Variants in CSMD1 observed in about 807,000 individuals in gnomAD.
CSMD1 encodes the protein CUB and Sushi multiple domains 1.
Under a neutral mutation model 417.5 loss-of-function variants are expected in CSMD1, and 213 were observed. The observed-to-expected ratio is 0.51, with a 90% CI of 0.46 to 0.57. The LOEUF is 0.57. Ranked by LOEUF, CSMD1 falls within the 20% of genes least tolerant of loss-of-function variation. The pLI is 0.00. For missense variants in CSMD1, 6,923 were observed against 4,529.7 expected (o/e 1.53, Z -15.17); for synonymous variants, 2,862 against 1,736.8 (o/e 1.65, Z -16.11).
intron 5 of CSMD1, among the ~76,000 whole-genome samples, chr8:3,915,105 G>C (rs1168319969): frequency 6.6e-6 from 1 of 152,052 alleles, no homozygotes; most frequent in South Asian, 2.1e-4. Flanking sequence ...ATAATGAAGA[G>C]TCAAGAGTTT....
intron 1 of CSMD1, among the ~76,000 whole-genome samples, chr8:4,974,271 C>G (rs1209636593): frequency 1.3e-5 from 2 of 152,038 alleles, no homozygotes; most frequent in Non-Finnish European, 2.9e-5. Context: ...TGTGATCCAC[C>G]TGTCTCCACC....
At chr8:3,991,874 C>A (rs906504395) in intron 5 of CSMD1, among the ~76,000 whole-genome samples, 11 of 152,086 alleles carry the variant, frequency 7.2e-5, no homozygotes, top group African/African-American at 2.7e-4. Context: ...TTTTTCTCAT[C>A]TATAAAATGG....
At chr8:3,290,865 G>C (rs1016116389) in intron 25 of CSMD1, among the ~76,000 whole-genome samples, 6 of 151,770 alleles carry the variant, frequency 4.0e-5, no homozygotes, top group African/African-American at 1.5e-4. Flanking sequence ...ACACTATATT[G>C]AATAGGAGTG....
intron 10 of CSMD1, among the ~76,000 whole-genome samples, chr8:3,572,946 A>G (rs1395290073): frequency 6.6e-6 from 1 of 152,350 alleles, no homozygotes; most frequent in Non-Finnish European, 1.5e-5. Flanking sequence ...TAATTATTTA[A>G]AAGTGTGTAA....
At chr8:4,343,021 C>G (rs548055906) in intron 3 of CSMD1, among the ~76,000 whole-genome samples, 1 of 152,202 alleles carries the variant, frequency 6.6e-6, no homozygotes, top group African/African-American at 2.4e-5. Context: ...TGACTTGTGC[C>G]TCCTCCAACC....
chr8:3,406,004 GC>G, intron 15 of CSMD1, 22 bp downstream of exon 15: 2 of 1,607,262 alleles, frequency 1.2e-6, no homozygotes. Context: ...AAGGAGAAGA[GC>G]GGGGGGTGGC....
chr8:4,536,283 C>A (rs1797099368), intron 2 of CSMD1, among the ~76,000 whole-genome samples: 1 of 152,012 alleles, frequency 6.6e-6, no homozygotes, highest in Non-Finnish European at 1.5e-5. Flanking sequence ...CAAACATGTT[C>A]TATTAAAAAA....
intron 23 of CSMD1, among the ~76,000 whole-genome samples, chr8:3,313,659 C>T (rs11136605): frequency 0.25 from 38,611 of 152,058 alleles, 5,666 homozygotes; most frequent in South Asian, 0.39. Flanking sequence ...GGAACACTTT[C>T]ACACTGTTGG....
At chr8:4,079,073 A>G (rs559758374) in intron 3 of CSMD1, among the ~76,000 whole-genome samples, 15 of 151,942 alleles carry the variant, frequency 9.9e-5, no homozygotes, top group Admixed American at 7.2e-4. Context: ...TGGAACTTAT[A>G]CAGCTCATTA....
intron 40 of CSMD1, among the ~76,000 whole-genome samples, chr8:3,145,051 G>GTGTGTGTC (rs979724484): frequency 6.6e-6 from 1 of 152,074 alleles, no homozygotes; most frequent in African/African-American, 2.4e-5. Flanking sequence ...AGTTGTGTGT[G>GTGTGTGTC]TGTGTGTGCA....
intron 50 of CSMD1, among the ~76,000 whole-genome samples, chr8:3,030,942 A>G (rs1006904963): frequency 1.3e-5 from 2 of 152,098 alleles, no homozygotes; most frequent in African/African-American, 4.8e-5. Context: ...AGTAACAATG[A>G]AGTCTAAAAT....
At chr8:4,563,998 A>G (rs1798470942) in intron 2 of CSMD1, among the ~76,000 whole-genome samples, 1 of 152,206 alleles carries the variant, frequency 6.6e-6, no homozygotes, top group African/African-American at 2.4e-5. Flanking sequence ...TCCCAGGAAA[A>G]TGAGGAGTTA....
chr8:4,773,336 A>C (rs1242625398), intron 1 of CSMD1, among the ~76,000 whole-genome samples: 1 of 152,134 alleles, frequency 6.6e-6, no homozygotes. Context: ...TTCTAAGCTC[A>C]CTGACTGGTG....
intron 12 of CSMD1, among the ~76,000 whole-genome samples, chr8:3,415,781 G>A (rs1187395836): frequency 6.6e-6 from 1 of 152,096 alleles, no homozygotes; most frequent in Non-Finnish European, 1.5e-5. Flanking sequence ...ACTGAGATCT[G>A]GAAAAATGGA....
chr8:4,112,006 C>A (rs1801882061), intron 3 of CSMD1, among the ~76,000 whole-genome samples: 2 of 152,128 alleles, frequency 1.3e-5, no homozygotes, highest in African/African-American at 4.8e-5. Flanking sequence ...TATACCAAGT[C>A]TTTTAAATGA....
chr8:3,473,445 T>C (rs1817222890), intron 11 of CSMD1, among the ~76,000 whole-genome samples: 1 of 152,330 alleles, frequency 6.6e-6, no homozygotes, highest in African/African-American at 2.4e-5. Context: ...TTTAAATTTT[T>C]ATGTTATTTT....
chr8:3,608,329 G>A (rs115940572), intron 8 of CSMD1, among the ~76,000 whole-genome samples: 2,760 of 152,242 alleles, frequency 0.018, 82 homozygotes, highest in African/African-American at 0.062. Context: ...CATGAAGGGG[G>A]CCACATTGTG....
At chr8:4,702,483 T>C (rs183195059) in intron 1 of CSMD1, among the ~76,000 whole-genome samples, 1 of 152,304 alleles carries the variant, frequency 6.6e-6, no homozygotes, top group East Asian at 1.9e-4. Context: ...GTCAAAATGT[T>C]GCTGCTGTTT....
intron 3 of CSMD1, among the ~76,000 whole-genome samples, chr8:4,033,610 C>G (rs968425434): frequency 3.3e-5 from 5 of 152,076 alleles, no homozygotes; most frequent in African/African-American, 1.2e-4. Context: ...TGGCTCAATC[C>G]TCTTGGGCAC....
Sources: allele counts gnomAD v4.1 joint callset (sites outside exome capture counted in the v4.1 genomes callset), GRCh38; gene constraint gnomAD v4.1.1; transcripts MANE v1.5; gene names NCBI Gene and HGNC (gene_info 2026-07-23, HGNC 2026-07-21).